Variants in GRIA1 observed in about 807,000 individuals in gnomAD.
The protein encoded by GRIA1 is glutamate receptor 1.
In GRIA1, 31 loss-of-function variants were observed where a neutral mutation model predicts 99.2. The ratio of observed to expected loss-of-function variants is 0.31; its 90% CI spans 0.23 to 0.42. The LOEUF (loss-of-function observed/expected upper bound fraction) is 0.42. Among genes scored for constraint, GRIA1 ranks in the 10% least tolerant of loss-of-function variants. GRIA1 has a pLI of 1.00. For synonymous variants in GRIA1, 438 were observed against 432.4 expected (o/e 1.01, Z -0.16); for missense variants, 782 against 1,157.5 (o/e 0.68, Z 4.71).
chr5:153,644,489 T>C (rs547855783), intron 2 of GRIA1, among the ~76,000 whole-genome samples: 2 of 152,324 alleles, frequency 1.3e-5, no homozygotes, highest in Admixed American at 6.5e-5. Flanking sequence ...CATCATTCAT[T>C]TATTTATCAA....
intron 2 of GRIA1, among the ~76,000 whole-genome samples, chr5:153,632,810 C>A (rs1270324002): frequency 6.6e-6 from 1 of 152,064 alleles, no homozygotes; most frequent in Non-Finnish European, 1.5e-5. Flanking sequence ...ATGAAGAAGA[C>A]AGATATGAAA....
chr5:153,780,277 G>A (rs1409715842), intron 13 of GRIA1, among the ~76,000 whole-genome samples: 1 of 152,156 alleles, frequency 6.6e-6, no homozygotes, highest in Non-Finnish European at 1.5e-5. Context: ...TGGGGCTTAT[G>A]GGTTTGGAAA....
intron 13 of GRIA1, among the ~76,000 whole-genome samples, chr5:153,774,521 T>A (rs1764096785): frequency 6.6e-6 from 1 of 152,338 alleles, no homozygotes; most frequent in East Asian, 1.9e-4. Flanking sequence ...TTCAGCCCTA[T>A]CAAAGGTAGG....
At chr5:153,662,189 C>T (rs973651316) in intron 5 of GRIA1, among the ~76,000 whole-genome samples, 2 of 152,178 alleles carry the variant, frequency 1.3e-5, no homozygotes, top group Admixed American at 1.3e-4. Context: ...GGACACACCC[C>T]TGTTCCCCCA....
chr5:153,517,667 C>T (rs1463254768), intron 2 of GRIA1, among the ~76,000 whole-genome samples: 1 of 152,190 alleles, frequency 6.6e-6, no homozygotes, highest in African/African-American at 2.4e-5. Flanking sequence ...GCAAGTCTGT[C>T]AGTGCTAGTT....
At chr5:153,544,456 T>A (rs938006781) in intron 2 of GRIA1, among the ~76,000 whole-genome samples, 1 of 152,170 alleles carries the variant, frequency 6.6e-6, no homozygotes, top group Non-Finnish European at 1.5e-5. Flanking sequence ...AGGGAGGTTC[T>A]CCCCACATCA....
intron 11 of GRIA1, among the ~76,000 whole-genome samples, chr5:153,764,063 G>T (rs1474916586): frequency 6.6e-6 from 1 of 152,176 alleles, no homozygotes; most frequent in African/African-American, 2.4e-5. Context: ...ATACATGTTT[G>T]CACAAAACAT....
chr5:153,504,514 G>GCTGT (rs768481469), intron 2 of GRIA1, among the ~76,000 whole-genome samples: 15 of 152,036 alleles, frequency 9.9e-5, no homozygotes, highest in Non-Finnish European at 1.6e-4. Flanking sequence ...ACAGGCTGGA[G>GCTGT]CTGAACCAAT....
chr5:153,693,619 C>T (rs1334292143), intron 8 of GRIA1, among the ~76,000 whole-genome samples: 2 of 152,146 alleles, frequency 1.3e-5, no homozygotes, highest in Non-Finnish European at 2.9e-5. Context: ...CATCTAGATT[C>T]ATTTTCTACA....
At chr5:153,588,426 C>A (rs1174744398) in intron 2 of GRIA1, among the ~76,000 whole-genome samples, 1 of 152,182 alleles carries the variant, frequency 6.6e-6, no homozygotes, top group Non-Finnish European at 1.5e-5. Context: ...GGCCTAAGCC[C>A]ACTGGCATCA....
intron 2 of GRIA1, among the ~76,000 whole-genome samples, chr5:153,609,717 C>T (rs73287706): frequency 0.034 from 5,158 of 151,924 alleles, 294 homozygotes; most frequent in African/African-American, 0.12. Context: ...GGCCCACCAC[C>T]ACACCCAGCT....
At chr5:153,573,847 G>A (rs868052020) in intron 2 of GRIA1, among the ~76,000 whole-genome samples, 7 of 152,260 alleles carry the variant, frequency 4.6e-5, no homozygotes, top group Middle Eastern at 3.4e-3. Context: ...GGCCTGGCAC[G>A]GAATTAGCAA....
intron 6 of GRIA1, among the ~76,000 whole-genome samples, chr5:153,676,709 G>A (rs1430824833): frequency 1.3e-5 from 2 of 152,090 alleles, no homozygotes; most frequent in South Asian, 2.1e-4. Flanking sequence ...CAGAAACCTA[G>A]AATCCTGGCT....
chr5:153,591,824 A>G (rs1418585064), intron 2 of GRIA1, among the ~76,000 whole-genome samples: 1 of 152,260 alleles, frequency 6.6e-6, no homozygotes, highest in African/African-American at 2.4e-5. Flanking sequence ...TTAACTACAA[A>G]CTAAGGAAGT....
chr5:153,542,701 G>T (rs1759239468), intron 2 of GRIA1, among the ~76,000 whole-genome samples: 1 of 152,140 alleles, frequency 6.6e-6, no homozygotes, highest in East Asian at 1.9e-4. Flanking sequence ...TGAAGCCTTG[G>T]CTAACTTCAT....
intron 11 of GRIA1, among the ~76,000 whole-genome samples, chr5:153,724,640 G>C (rs1344130496): frequency 7.1e-4 from 108 of 152,168 alleles, no homozygotes; most frequent in Non-Finnish European, 1.2e-3. Context: ...TGGAAGAAAG[G>C]GTATCAGTGA....
At chr5:153,701,660 T>G (rs1216679904) in intron 10 of GRIA1, among the ~76,000 whole-genome samples, 1 of 114,636 alleles carries the variant, frequency 8.7e-6, no homozygotes, top group Non-Finnish European at 1.9e-5. Context: ...TTCTGAAGAC[T>G]CTGTGATGGC....
chr5:153,723,189 T>C (rs1034121730), intron 11 of GRIA1, among the ~76,000 whole-genome samples: 8 of 152,200 alleles, frequency 5.3e-5, no homozygotes, highest in Non-Finnish European at 7.3e-5. Flanking sequence ...TGACCCATAG[T>C]CTCAACTCAA....
intron 2 of GRIA1, among the ~76,000 whole-genome samples, chr5:153,532,710 TA>T (rs1235785099): frequency 6.6e-6 from 1 of 152,188 alleles, no homozygotes; most frequent in Non-Finnish European, 1.5e-5. Flanking sequence ...TTGGGAACCT[TA>T]ACCTGAGGAT....
Sources: allele counts gnomAD v4.1 joint callset (sites outside exome capture counted in the v4.1 genomes callset), GRCh38; gene constraint gnomAD v4.1.1; transcripts MANE v1.5; gene names NCBI Gene and HGNC (gene_info 2026-07-23, HGNC 2026-07-21).